Variants in MSRB3 observed in about 807,000 individuals in gnomAD.
The protein encoded by MSRB3 is methionine-R-sulfoxide reductase B3.
Under a neutral mutation model 21.0 loss-of-function variants are expected in MSRB3, and 13 were observed. The ratio of observed to expected loss-of-function variants is 0.62; its 90% CI spans 0.40 to 0.98. The LOEUF (loss-of-function observed/expected upper bound fraction) is 0.98. MSRB3 is among the 50% of genes least tolerant of loss of function. MSRB3 has a pLI of 0.00. For missense variants in MSRB3, 199 were observed against 230.3 expected, an observed-to-expected ratio of 0.86 and a Z score of 0.88; for synonymous variants, 87 against 88.6, an observed-to-expected ratio of 0.98 and a Z score of 0.10.
intron 4 of MSRB3, among the ~76,000 whole-genome samples, chr12:65,354,917 T>A (rs1877289784): frequency 6.6e-6 from 1 of 151,774 alleles, no homozygotes. Flanking sequence ...CCAGAAAACG[T>A]AGTCATTATA....
chr12:65,462,221 C>T (rs968425904), intron 6 of MSRB3, among the ~76,000 whole-genome samples: 2 of 152,184 alleles, frequency 1.3e-5, no homozygotes, highest in African/African-American at 4.8e-5. Flanking sequence ...CCAGTGTCTC[C>T]ATCTCGTTCG....
At chr12:65,432,647 CT>C (rs527558006) in intron 5 of MSRB3, among the ~76,000 whole-genome samples, 34 of 148,188 alleles carry the variant, frequency 2.3e-4, no homozygotes, top group Admixed American at 2.7e-4. Context: ...CCATTTGTAG[CT>C]TTTTTTTTTA....
At chr12:65,329,481 C>T (rs1018953385) in intron 4 of MSRB3, among the ~76,000 whole-genome samples, 6 of 151,986 alleles carry the variant, frequency 3.9e-5, no homozygotes, top group Non-Finnish European at 7.4e-5. Context: ...GAAACCCCAT[C>T]TCTACTAAAA....
chr12:65,328,200 T>C (rs913983137), intron 3 of MSRB3, among the ~76,000 whole-genome samples: 6 of 152,160 alleles, frequency 3.9e-5, no homozygotes, highest in Non-Finnish European at 7.3e-5. Context: ...CACTGTAAAG[T>C]AGCAAAATCT....
At chr12:65,336,285 C>T (rs1292721064) in intron 4 of MSRB3, among the ~76,000 whole-genome samples, 1 of 152,140 alleles carries the variant, frequency 6.6e-6, no homozygotes, top group African/African-American at 2.4e-5. Flanking sequence ...GAAAGAACAA[C>T]TCCATTTGAG....
intron 5 of MSRB3, among the ~76,000 whole-genome samples, chr12:65,444,666 GTCT>G (rs1171541765): frequency 6.6e-6 from 1 of 152,102 alleles, no homozygotes; most frequent in African/African-American, 2.4e-5. Flanking sequence ...TCTGTTCACT[GTCT>G]TCTTCACTAT....
At chr12:65,324,942 A>ATTT (rs1156710217) in intron 2 of MSRB3, among the ~76,000 whole-genome samples, 2 of 152,194 alleles carry the variant, frequency 1.3e-5, no homozygotes, top group African/African-American at 4.8e-5. Flanking sequence ...GAATTGTTTG[A>ATTT]TTTTAATTGT....
chr12:65,416,362 C>T (rs1880973207), intron 5 of MSRB3, among the ~76,000 whole-genome samples: 1 of 152,166 alleles, frequency 6.6e-6, no homozygotes, highest in African/African-American at 2.4e-5. Context: ...TGAAAAACAC[C>T]TATCCATTAG....
At chr12:65,354,733 C>T (rs549165723) in intron 4 of MSRB3, among the ~76,000 whole-genome samples, 69 of 151,888 alleles carry the variant, frequency 4.5e-4, no homozygotes, top group African/African-American at 1.6e-3. Context: ...CAGAGACTCA[C>T]AAGAATAAGA....
rs114582839 is a variant in MSRB3 at position 65,449,998 on chromosome 12, A to G, written c.293-3730A>G. On this transcript the variant is annotated intron_variant, in intron 5 of 6. Transcript: ENST00000308259. ...GGCATGAAACATTTAGAATTTGTCA[A>G]CAGAATACTACTTGTGGAGAGCTAT... Among the ~76,000 whole-genome samples, 377 of 152,320 alleles carry G rather than the reference A, an allele frequency of 2.5e-3. 1 individual carries two copies. Among genetic ancestry groups the G allele is most frequent in the African/African-American group, 8.3e-3 (345 of 41,562 alleles).
intron 5 of MSRB3, among the ~76,000 whole-genome samples, chr12:65,430,737 A>C (rs1293160481): frequency 6.6e-6 from 1 of 152,046 alleles, no homozygotes; most frequent in Non-Finnish European, 1.5e-5. Flanking sequence ...AATTGTATTA[A>C]ATTTGAAGAC....
At chr12:65,453,614 T>G (rs1882955675) in intron 5 of MSRB3, 114 bp from the exon 6 acceptor site, 1 of 828,840 alleles carries the variant, frequency 1.2e-6, no homozygotes. Context: ...GTTGAAAAGT[T>G]AAACATACAC....
chr12:65,445,731 C>T (rs1882586857), intron 5 of MSRB3, among the ~76,000 whole-genome samples: 2 of 151,466 alleles, frequency 1.3e-5, no homozygotes, highest in Non-Finnish European at 2.9e-5. Context: ...CTGCAACTGC[C>T]ACCTCCAAGG....
chr12:65,281,798 T>A (rs566332917), intron 1 of MSRB3: 1 of 152,340 alleles, frequency 6.6e-6, no homozygotes, highest in South Asian at 2.1e-4. Context: ...GCATTCCAGA[T>A]GAAATAGCCT....
At chr12:65,384,321 A>G (rs1362739776) in intron 5 of MSRB3, among the ~76,000 whole-genome samples, 1 of 152,310 alleles carries the variant, frequency 6.6e-6, no homozygotes, top group Admixed American at 6.5e-5. Context: ...GTGTCACCAT[A>G]CAAGTAATGA....
intron 5 of MSRB3, among the ~76,000 whole-genome samples, chr12:65,374,522 A>T (rs1878492428): frequency 6.6e-6 from 1 of 152,152 alleles, no homozygotes; most frequent in South Asian, 2.1e-4. Flanking sequence ...TGAGTCAAAG[A>T]CCTCTTGATA....
At chr12:65,353,973 C>T (rs1035576326) in intron 4 of MSRB3, among the ~76,000 whole-genome samples, 5 of 151,862 alleles carry the variant, frequency 3.3e-5, no homozygotes, top group African/African-American at 4.8e-5. Flanking sequence ...TTTATTTCTC[C>T]TTCACTTATG....
intron 5 of MSRB3, 31 bp from the exon 6 acceptor site, chr12:65,453,697 T>C (rs1413079019): frequency 2.6e-6 from 4 of 1,528,406 alleles, no homozygotes; most frequent in Non-Finnish European, 2.7e-6. Context: ...CTCTCCTCTC[T>C]GCTTTGATTC....
intron 1 of MSRB3, among the ~76,000 whole-genome samples, chr12:65,280,224 TG>T (rs1212832378): frequency 6.6e-6 from 1 of 152,238 alleles, no homozygotes; most frequent in African/African-American, 2.4e-5. Flanking sequence ...AATAGTAACT[TG>T]AGCAGTGATA....
Sources: gnomAD v4.1 joint callset for allele counts (sites outside exome capture counted in the v4.1 genomes callset) on GRCh38, gnomAD v4.1.1 for gene constraint, MANE v1.5 for transcripts, NCBI Gene and HGNC (gene_info 2026-07-23, HGNC 2026-07-21) for gene names.